The following CHCHD3 variants were observed in gnomAD, a reference collection of about 807,000 sequenced individuals.
CHCHD3 encodes the protein MICOS complex subunit MIC19.
CHCHD3 carries 20 observed loss-of-function variants against 38.2 expected under a neutral mutation model. That is an observed-to-expected ratio of 0.52 (90% CI 0.37 to 0.76). CHCHD3 has a LOEUF of 0.76. CHCHD3 is among the 30% of genes least tolerant of loss of function. The probability of loss-of-function intolerance (pLI) is 0.00; values close to 1 mark genes in which losing one functional copy is unlikely to be tolerated. For missense variants in CHCHD3, 245 were observed against 279.2 expected, an observed-to-expected ratio of 0.88 and a Z score of 0.87; for synonymous variants, 82 against 100.0, an observed-to-expected ratio of 0.82 and a Z score of 1.07.
intron 2 of CHCHD3, among the ~76,000 whole-genome samples, chr7:133,042,466 C>G (rs993524996): frequency 6.6e-6 from 1 of 152,100 alleles, no homozygotes; most frequent in African/African-American, 2.4e-5. Flanking sequence ...CATCCTTATC[C>G]CAGAAAGATG....
chr7:132,807,427 C>G (rs892657027), intron 6 of CHCHD3, among the ~76,000 whole-genome samples: 1 of 151,822 alleles, frequency 6.6e-6, no homozygotes, highest in African/African-American at 2.4e-5. Context: ...TACTTCCAGC[C>G]CAAGTCCTTT....
intron 5 of CHCHD3, among the ~76,000 whole-genome samples, chr7:132,843,827 G>A (rs1808002787): frequency 6.6e-6 from 1 of 152,200 alleles, no homozygotes; most frequent in Admixed American, 6.5e-5. Flanking sequence ...CAATTTGTCT[G>A]ATCATTTACT....
intron 5 of CHCHD3, among the ~76,000 whole-genome samples, chr7:132,876,274 G>A (rs1384411953): frequency 1.3e-5 from 2 of 152,084 alleles, no homozygotes; most frequent in Non-Finnish European, 2.9e-5. Flanking sequence ...CTCATACGCA[G>A]GAAACATAAT....
intron 1 of CHCHD3, among the ~76,000 whole-genome samples, chr7:133,072,890 T>TG (rs1346104461): frequency 1.3e-5 from 2 of 150,986 alleles, no homozygotes; most frequent in Admixed American, 1.3e-4. Flanking sequence ...TCTGAGTAGA[T>TG]GTGGGAGTAA....
At chr7:132,955,837 C>A (rs977188249) in intron 4 of CHCHD3, among the ~76,000 whole-genome samples, 4 of 152,060 alleles carry the variant, frequency 2.6e-5, no homozygotes, top group Non-Finnish European at 4.4e-5. Flanking sequence ...GAGGAAACAT[C>A]AAGGATAAGG....
At chr7:132,900,776 A>G (rs1809646426) in intron 4 of CHCHD3, among the ~76,000 whole-genome samples, 1 of 152,200 alleles carries the variant, frequency 6.6e-6, no homozygotes, top group South Asian at 2.1e-4. Context: ...GGATCACCTG[A>G]GGTCAGGAGT....
chr7:132,875,132 C>T (rs1339161576), intron 5 of CHCHD3, among the ~76,000 whole-genome samples: 1 of 152,132 alleles, frequency 6.6e-6, no homozygotes, highest in African/African-American at 2.4e-5. Flanking sequence ...AAATTCATCT[C>T]AGAACAATTC....
At chr7:132,977,438 G>C (rs1415213645) in intron 3 of CHCHD3, among the ~76,000 whole-genome samples, 1 of 152,172 alleles carries the variant, frequency 6.6e-6, no homozygotes, top group African/African-American at 2.4e-5. Flanking sequence ...CATCAAAAAT[G>C]AAGTGCTCCC....
chr7:132,918,458 A>G (rs1810174881), intron 4 of CHCHD3, among the ~76,000 whole-genome samples: 1 of 152,238 alleles, frequency 6.6e-6, no homozygotes, highest in South Asian at 2.1e-4. Flanking sequence ...CCAGTAAGTG[A>G]AAAACAATTA....
intron 3 of CHCHD3, among the ~76,000 whole-genome samples, chr7:132,987,792 A>T (rs1461441113): frequency 6.6e-6 from 1 of 152,184 alleles, no homozygotes; most frequent in African/African-American, 2.4e-5. Flanking sequence ...AGAAATTATA[A>T]GGCATTTCCA....
chr7:133,041,902 G>A (rs142750062), intron 2 of CHCHD3, among the ~76,000 whole-genome samples: 1 of 152,174 alleles, frequency 6.6e-6, no homozygotes, highest in Non-Finnish European at 1.5e-5. Flanking sequence ...CCTTTGATAC[G>A]CTAATAGTCC....
intron 3 of CHCHD3, among the ~76,000 whole-genome samples, chr7:133,007,001 T>C (rs1225838855): frequency 6.6e-6 from 1 of 152,214 alleles, no homozygotes; most frequent in Non-Finnish European, 1.5e-5. Context: ...TACCAAAATA[T>C]TTACCGTGGT....
intron 6 of CHCHD3, among the ~76,000 whole-genome samples, chr7:132,800,316 A>C (rs919663808): frequency 1.3e-5 from 2 of 152,162 alleles, no homozygotes; most frequent in Admixed American, 6.5e-5. Context: ...AGAAACGAAA[A>C]CAGTTTTAGC....
intron 5 of CHCHD3, among the ~76,000 whole-genome samples, chr7:132,864,393 G>A (rs963811663): frequency 6.6e-6 from 1 of 152,116 alleles, no homozygotes. Context: ...GTGGTCTGTG[G>A]TGTCCCAAAA....
intron 2 of CHCHD3, among the ~76,000 whole-genome samples, chr7:133,051,554 T>C (rs906839002): frequency 3.3e-5 from 5 of 152,202 alleles, no homozygotes; most frequent in Non-Finnish European, 5.9e-5. Context: ...AAGCAATAGA[T>C]TTGTTTAAAC....
intron 2 of CHCHD3, among the ~76,000 whole-genome samples, chr7:133,032,416 T>C (rs964997713): frequency 3.3e-5 from 5 of 152,282 alleles, no homozygotes; most frequent in Admixed American, 2.6e-4. Context: ...CAGAAGGCAG[T>C]GTTAGGAAGA....
At chr7:132,889,944 T>C (rs754472515) in intron 4 of CHCHD3, among the ~76,000 whole-genome samples, 11 of 152,210 alleles carry the variant, frequency 7.2e-5, no homozygotes, top group Non-Finnish European at 1.2e-4. Flanking sequence ...GACTACAACA[T>C]TATTTATTGA....
chr7:132,809,566 C>A (rs1330397085), intron 6 of CHCHD3, among the ~76,000 whole-genome samples: 1 of 152,134 alleles, frequency 6.6e-6, no homozygotes, highest in African/African-American at 2.4e-5. Flanking sequence ...TTTATCATAT[C>A]CCCTGCCTCC....
intron 6 of CHCHD3, among the ~76,000 whole-genome samples, chr7:132,835,154 T>TG (rs1220859539): frequency 6.6e-6 from 1 of 151,130 alleles, no homozygotes; most frequent in Non-Finnish European, 1.5e-5. Context: ...TTTGTATTTT[T>TG]TTTTTTTTGT....
Sources: gnomAD v4.1 joint callset for allele counts (sites outside exome capture counted in the v4.1 genomes callset) on GRCh38, gnomAD v4.1.1 for gene constraint, MANE v1.5 for transcripts, NCBI Gene and HGNC (gene_info 2026-07-23, HGNC 2026-07-21) for gene names.